Variants in EXT1 observed in about 807,000 individuals in gnomAD.
EXT1 encodes the protein exostosin glycosyltransferase 1.
In EXT1, 20 loss-of-function variants were observed where a neutral mutation model predicts 82.5. The observed-to-expected ratio is 0.24, with a 90% CI of 0.17 to 0.35. The LOEUF is 0.35. EXT1 is among the 10% of genes least tolerant of loss of function. The pLI is 1.00. For missense variants in EXT1, 757 were observed against 936.5 expected (o/e 0.81, Z 2.50); for synonymous variants, 348 against 350.8 (o/e 0.99, Z 0.09).
chr8:117,897,730 G>A (rs1244249354), intron 1 of EXT1, among the ~76,000 whole-genome samples: 1 of 151,340 alleles, frequency 6.6e-6, no homozygotes, highest in Non-Finnish European at 1.5e-5. Flanking sequence ...GAGTAGCTGG[G>A]ATTACAGGCG....
chr8:117,836,943 C>G (rs370892323), intron 2 of EXT1, among the ~76,000 whole-genome samples, 165 bp downstream of exon 2: 1 of 152,010 alleles, frequency 6.6e-6, no homozygotes, highest in Admixed American at 6.6e-5. Context: ...CTCCCTCCAC[C>G]CCTCACTTGT....
intron 1 of EXT1, among the ~76,000 whole-genome samples, chr8:118,036,090 T>C (rs1816414070): frequency 6.6e-6 from 1 of 151,034 alleles, no homozygotes; most frequent in African/African-American, 2.5e-5. Context: ...TTTTTTTTCA[T>C]GTATCTGTGG....
chr8:117,945,943 C>A (rs759964469), intron 1 of EXT1, among the ~76,000 whole-genome samples: 1 of 152,158 alleles, frequency 6.6e-6, no homozygotes, highest in Non-Finnish European at 1.5e-5. Context: ...GCTCCTTTTG[C>A]CCAGGCTGGA....
At chr8:118,102,279 A>C (rs185919566) in intron 1 of EXT1, among the ~76,000 whole-genome samples, 1 of 152,174 alleles carries the variant, frequency 6.6e-6, no homozygotes, top group Admixed American at 6.5e-5. Context: ...AATAATAATA[A>C]ACAAATAAAA....
At chr8:118,074,538 T>C (rs1376641176) in intron 1 of EXT1, among the ~76,000 whole-genome samples, 3 of 151,568 alleles carry the variant, frequency 2.0e-5, no homozygotes, top group Non-Finnish European at 2.9e-5. Flanking sequence ...ACCACCTTAG[T>C]TGCCTCGTAG....
intron 1 of EXT1, among the ~76,000 whole-genome samples, chr8:118,067,814 A>C (rs191594964): frequency 4.1e-4 from 62 of 152,322 alleles, no homozygotes; most frequent in Non-Finnish European, 7.5e-4. Context: ...ATTTGTGTTG[A>C]TTCATGATTC....
In EXT1 at chr8:117,804,795, A is replaced by C. The variant is rs775353874; in HGVS notation, c.1982T>G (p.Val661Gly). The C allele has an allele frequency of 1.2e-6, 2 of 1,614,154 alleles. No individual in the cohort carries two copies. The highest frequency in any genetic ancestry group is 2.2e-5 in the South Asian group (2 of 91,082). ...NCEDILMNFLVSAVTKLPPIK... is the reference protein window; with the variant it reads ...NCEDILMNFLGSAVTKLPPIK... ...TGGAGGCAATTTTGTCACAGCAGAC[A>C]CCAGGAAGTTCATGAGAATGTCCTC... The change falls in exon 10 of 11, where the codon GTG becomes GGG. Residue 661 changes from valine (V) to glycine (G), a missense_variant. By Grantham distance (109) the Val-to-Gly change is moderately radical (BLOSUM62 -3). Coordinates refer to ENST00000378204, the MANE Select transcript of EXT1 (RefSeq NM_000127.3).
intron 1 of EXT1, among the ~76,000 whole-genome samples, chr8:117,863,599 C>T (rs544388580): frequency 1.3e-5 from 2 of 152,178 alleles, no homozygotes; most frequent in East Asian, 3.9e-4. Flanking sequence ...TTGCCAGATG[C>T]CGGCTTCCTC....
rs1371705109 is a variant in EXT1, at chr8:117,799,189, T to C, written c.*523A>G. ...TGGAAAACAATTTGCACTGGCAAAG[T>C]TGAATAATGAAGTTACAACTTATGC... On this transcript the variant is annotated 3_prime_UTR_variant, in exon 11 of 11. Coordinates refer to ENST00000378204, the MANE Select transcript of EXT1 (RefSeq NM_000127.3). The C allele has an allele frequency of 1.2e-5, 2 of 161,200 alleles. No individual in the cohort carries two copies. The highest frequency in any genetic ancestry group is 2.7e-5 in the Non-Finnish European group (2 of 73,388). 10.0% of individuals were successfully genotyped at this position (161,200 alleles called of 1,614,324 possible). A position where few individuals can be genotyped will look rare whatever the true frequency, so the allele number is the denominator to read the frequency against.
intron 1 of EXT1, among the ~76,000 whole-genome samples, chr8:118,073,451 C>A (rs1168320192): frequency 6.6e-6 from 1 of 152,004 alleles, no homozygotes; most frequent in Non-Finnish European, 1.5e-5. Flanking sequence ...CAAAACCCCA[C>A]CTCTACAAAA....
In EXT1 at chr8:117,971,717, T is replaced by C. The variant is rs1035040265; in HGVS notation, c.963-134516A>G. Among the ~76,000 whole-genome samples, 4 of 152,232 alleles carry C rather than the reference T, an allele frequency of 2.6e-5. No individual in the cohort carries two copies. The East Asian group carries it at 7.7e-4, about 29-fold the overall frequency. Reference sequence around the variant, plus strand: ...CCAAAAAACCCACTCCATGAATTAATTGTGGTCACGTAAATTATAGATGCT... The same window carrying C: ...CCAAAAAACCCACTCCATGAATTAACTGTGGTCACGTAAATTATAGATGCT... On this transcript the variant is annotated intron_variant, in intron 1 of 10. Coordinates refer to ENST00000378204, the MANE Select transcript of EXT1 (RefSeq NM_000127.3).
intron 1 of EXT1, among the ~76,000 whole-genome samples, chr8:118,000,737 T>C (rs1351360331): frequency 6.6e-6 from 1 of 152,174 alleles, no homozygotes; most frequent in East Asian, 1.9e-4. Context: ...AATTCCCTAG[T>C]AGCTGTAACT....
intron 1 of EXT1, among the ~76,000 whole-genome samples, chr8:118,010,383 A>AG (rs1311810746): frequency 6.6e-6 from 1 of 151,702 alleles, no homozygotes; most frequent in African/African-American, 2.4e-5. Context: ...AAAAAAAAAA[A>AG]AAAAAAAAGT....
intron 1 of EXT1, among the ~76,000 whole-genome samples, chr8:118,107,531 A>T (rs747460616): frequency 6.6e-6 from 1 of 152,158 alleles, no homozygotes; most frequent in Non-Finnish European, 1.5e-5. Flanking sequence ...CGCTAGAGAG[A>T]CTGGCATATC....
At chr8:117,901,921 C>A (rs1813457082) in intron 1 of EXT1, among the ~76,000 whole-genome samples, 1 of 152,128 alleles carries the variant, frequency 6.6e-6, no homozygotes. Context: ...TGGTCTCAAA[C>A]TCCTGGGCTC....
At chr8:118,050,960 T>A (rs1816707495) in intron 1 of EXT1, among the ~76,000 whole-genome samples, 1 of 152,202 alleles carries the variant, frequency 6.6e-6, no homozygotes, top group South Asian at 2.1e-4. Flanking sequence ...GTTTTCTCCA[T>A]CACACCTCAC....
Position 117,844,833 on chromosome 8 carries a change from G to A in EXT1, c.963-7632C>T, listed in dbSNP as rs373923450. On this transcript the variant is annotated intron_variant, in intron 1 of 10. Coordinates refer to ENST00000378204, the MANE Select transcript of EXT1 (RefSeq NM_000127.3). The stretch of plus-strand genomic sequence containing the variant: ...CTTCAGGGATGCTTGGCGTCCCCAA[G>A]CAGGAAGGCACTCGCTATTTGGAGG... Among the ~76,000 whole-genome samples the A allele has an allele frequency of 5.9e-5, 9 of 152,112 alleles. No homozygotes were observed. In the East Asian group the frequency reaches 1.2e-3, roughly 20 times the overall value.
chr8:117,948,511 T>C (rs540695988), intron 1 of EXT1, among the ~76,000 whole-genome samples: 4 of 152,322 alleles, frequency 2.6e-5, no homozygotes, highest in Non-Finnish European at 5.9e-5. Flanking sequence ...CATAAACTCA[T>C]AACCATACAA....
chr8:117,869,660 G>T lies in EXT1; in HGVS notation c.963-32459C>A, dbSNP rs146321374. Among the ~76,000 whole-genome samples, 922 of 152,090 alleles carry T rather than the reference G, an allele frequency of 6.1e-3. 7 individuals are homozygous for T. Among genetic ancestry groups the T allele is most frequent in the African/African-American group, 0.021 (879 of 41,462 alleles). On this transcript the variant is annotated intron_variant, in intron 1 of 10. Coordinates refer to ENST00000378204, the MANE Select transcript of EXT1 (RefSeq NM_000127.3). ...TACTATCTACATCTTAATGTCAAAC[G>T]CAATAATCTCTAGCATATAAATGCT... is the stretch of plus-strand genomic sequence containing the variant.
Sources: gnomAD v4.1 joint callset for allele counts (sites outside exome capture counted in the v4.1 genomes callset) on GRCh38, gnomAD v4.1.1 for gene constraint, MANE v1.5 for transcripts, NCBI Gene and HGNC (gene_info 2026-07-23, HGNC 2026-07-21) for gene names.